Variants in SYT1 observed in about 807,000 individuals in gnomAD.
SYT1 encodes the protein synaptotagmin-1.
SYT1 carries 8 observed loss-of-function variants against 44.8 expected under a neutral mutation model. The observed-to-expected ratio is 0.18, with a 90% confidence interval of 0.10 to 0.32. The LOEUF (loss-of-function observed/expected upper bound fraction) is 0.32, where lower values mean the gene tolerates loss of function less well. Ranked by LOEUF, SYT1 falls within the 10% of genes least tolerant of loss-of-function variation. SYT1 has a pLI of 1.00. For missense variants in SYT1, 286 were observed against 509.3 expected (o/e 0.56, Z 4.22); for synonymous variants, 154 against 188.8 (o/e 0.82, Z 1.51).
intron 4 of SYT1, among the ~76,000 whole-genome samples, chr12:79,257,834 A>G (rs1260990322): frequency 6.6e-6 from 1 of 152,168 alleles, no homozygotes; most frequent in Non-Finnish European, 1.5e-5. Context: ...ACTTTTGGAA[A>G]TGGATGTTTG....
intron 3 of SYT1, among the ~76,000 whole-genome samples, chr12:79,199,633 A>G (rs988288392): frequency 1.3e-5 from 2 of 152,186 alleles, no homozygotes; most frequent in Non-Finnish European, 2.9e-5. Context: ...GACACCAGAG[A>G]AAAATGAAAA....
chr12:79,384,604 A>T (rs1026643910), intron 9 of SYT1, among the ~76,000 whole-genome samples: 1 of 152,216 alleles, frequency 6.6e-6, no homozygotes, highest in Non-Finnish European at 1.5e-5. Flanking sequence ...ACACAAAGTT[A>T]TGGCACTGAG....
chr12:79,189,613 A>G (rs530329010), intron 3 of SYT1, among the ~76,000 whole-genome samples: 1 of 152,264 alleles, frequency 6.6e-6, no homozygotes, highest in South Asian at 2.1e-4. Flanking sequence ...CCATGAAAAA[A>G]TTAACCTAGG....
chr12:79,352,248 G>A (rs1882941130), intron 8 of SYT1, among the ~76,000 whole-genome samples: 1 of 151,544 alleles, frequency 6.6e-6, no homozygotes, highest in African/African-American at 2.4e-5. Context: ...ATTACATCTA[G>A]GCACCTATTT....
chr12:79,407,144 A>G (rs975612658), intron 9 of SYT1, among the ~76,000 whole-genome samples: 2 of 152,092 alleles, frequency 1.3e-5, no homozygotes, highest in African/African-American at 4.8e-5. Flanking sequence ...ATTCTTTTTT[A>G]TCCTCCATGA....
chr12:78,899,735 T>C (rs558560553), intron 1 of SYT1, among the ~76,000 whole-genome samples: 44 of 152,160 alleles, frequency 2.9e-4, no homozygotes, highest in African/African-American at 1.0e-3. Context: ...AGCCTGGCTC[T>C]TAAAACACTA....
intron 1 of SYT1, among the ~76,000 whole-genome samples, chr12:78,973,850 T>C (rs1868551390): frequency 8.0e-6 from 1 of 124,976 alleles, no homozygotes. Context: ...AAAACCAAAC[T>C]GAAAAAAAAA....
intron 8 of SYT1, among the ~76,000 whole-genome samples, chr12:79,346,810 T>C (rs1882627492): frequency 6.6e-6 from 1 of 152,298 alleles, no homozygotes; most frequent in East Asian, 1.9e-4. Flanking sequence ...TACAGTCAAC[T>C]GACAATTATT....
At chr12:79,130,822 T>C (rs538955180) in intron 3 of SYT1, among the ~76,000 whole-genome samples, 1 of 152,292 alleles carries the variant, frequency 6.6e-6, no homozygotes, top group Admixed American at 6.5e-5. Context: ...CATGAATTTA[T>C]AGCAGGCTAA....
chr12:78,984,973 AAG>A (rs752429563), intron 2 of SYT1, among the ~76,000 whole-genome samples: 12 of 151,952 alleles, frequency 7.9e-5, no homozygotes, highest in Non-Finnish European at 1.5e-4. Context: ...CAAGATGCTA[AAG>A]AGAGAAAAAA....
chr12:79,382,481 A>G (rs1362320358), intron 9 of SYT1, among the ~76,000 whole-genome samples: 1 of 152,168 alleles, frequency 6.6e-6, no homozygotes, highest in Non-Finnish European at 1.5e-5. Context: ...AAAAGGGGCA[A>G]TGATTTTTTC....
chr12:79,274,115 C>T (rs185085088), intron 4 of SYT1, among the ~76,000 whole-genome samples: 5 of 152,230 alleles, frequency 3.3e-5, no homozygotes, highest in African/African-American at 9.6e-5. Flanking sequence ...AAAGAAACTC[C>T]CAAATGAGAT....
chr12:79,333,134 A>G (rs889820963), intron 8 of SYT1, among the ~76,000 whole-genome samples: 9 of 152,108 alleles, frequency 5.9e-5, no homozygotes, highest in African/African-American at 2.2e-4. Flanking sequence ...TTAGGCTACT[A>G]TAACAAGATA....
chr12:79,133,417 A>G (rs1868980885), intron 3 of SYT1, among the ~76,000 whole-genome samples: 1 of 152,108 alleles, frequency 6.6e-6, no homozygotes, highest in Non-Finnish European at 1.5e-5. Context: ...AAGATTTAAA[A>G]TGCAAAGAAA....
At chr12:79,053,491 A>C (rs951878442) in intron 3 of SYT1, among the ~76,000 whole-genome samples, 3 of 151,614 alleles carry the variant, frequency 2.0e-5, no homozygotes, top group African/African-American at 7.3e-5. Context: ...CACGCACCCC[A>C]AAACTTAAAG....
intron 2 of SYT1, among the ~76,000 whole-genome samples, chr12:79,009,502 A>T (rs897992908): frequency 2.0e-5 from 3 of 152,140 alleles, no homozygotes; most frequent in Non-Finnish European, 2.9e-5. Flanking sequence ...ATAGGTATTA[A>T]GTTCTTACTT....
chr12:79,231,663 T>TA (rs1043129189), intron 4 of SYT1, among the ~76,000 whole-genome samples: 27 of 152,288 alleles, frequency 1.8e-4, no homozygotes, highest in Middle Eastern at 6.8e-3. Flanking sequence ...GCCTTGAAGG[T>TA]AAAATGTTAT....
chr12:78,937,621 A>G (rs1878134108), intron 1 of SYT1, among the ~76,000 whole-genome samples: 1 of 152,154 alleles, frequency 6.6e-6, no homozygotes. Context: ...ATATTCTTCT[A>G]TTAGCTGCTT....
At chr12:79,256,187 T>C (rs1877504443) in intron 4 of SYT1, among the ~76,000 whole-genome samples, 1 of 152,230 alleles carries the variant, frequency 6.6e-6, no homozygotes, top group African/African-American at 2.4e-5. Flanking sequence ...AACATGATCA[T>C]GCAGGACAAT....
Sources: gnomAD v4.1 joint callset for allele counts (sites outside exome capture counted in the v4.1 genomes callset) on GRCh38, gnomAD v4.1.1 for gene constraint, MANE v1.5 for transcripts, NCBI Gene and HGNC (gene_info 2026-07-23, HGNC 2026-07-21) for gene names.